Variants in USP30 observed in about 807,000 individuals in gnomAD.
USP30 encodes the protein ubiquitin carboxyl-terminal hydrolase 30.
In USP30, 41 loss-of-function variants were observed where a neutral mutation model predicts 68.2. The ratio of observed to expected loss-of-function variants is 0.60; its 90% CI spans 0.47 to 0.78. The LOEUF (loss-of-function observed/expected upper bound fraction) is 0.78, where lower values mean the gene tolerates loss of function less well. Among genes scored for constraint, USP30 ranks in the 30% least tolerant of loss-of-function variants. USP30 has a pLI of 0.00. For synonymous variants in USP30, 229 were observed against 253.7 expected, an observed-to-expected ratio of 0.90 and a Z score of 0.93; for missense variants, 522 against 649.4, an observed-to-expected ratio of 0.80 and a Z score of 2.13.
chr12:109,048,234 T>C (rs2135681926), upstream of USP30, among the ~76,000 whole-genome samples: 1 of 151,946 alleles, frequency 6.6e-6, no homozygotes, highest in South Asian at 2.1e-4. Context: ...TAGAGGTGTG[T>C]GCCACCAAAC....
chr12:109,037,843 T>G (rs2040532429), intron 3 of USP30, among the ~76,000 whole-genome samples: 1 of 152,166 alleles, frequency 6.6e-6, no homozygotes, highest in African/African-American at 2.4e-5. Context: ...CACTTCCTGC[T>G]TGTGTCAAAC....
chr12:109,045,823 A>G (rs140114893), intron 3 of USP30, among the ~76,000 whole-genome samples: 1 of 152,160 alleles, frequency 6.6e-6, no homozygotes, highest in East Asian at 1.9e-4. Context: ...ACGCGTGTGT[A>G]TGTGTGTGTA....
chr12:109,053,476 T>C (rs891262761), intron 1 of USP30, among the ~76,000 whole-genome samples: 1 of 152,024 alleles, frequency 6.6e-6, no homozygotes, highest in Non-Finnish European at 1.5e-5. Flanking sequence ...ATTTCCCTCT[T>C]ATTCACCCTC....
chr12:109,076,188 T>TA (rs1166626866), intron 7 of USP30, among the ~76,000 whole-genome samples: 2 of 152,188 alleles, frequency 1.3e-5, no homozygotes, highest in Admixed American at 6.5e-5. Context: ...AAGTGGAATT[T>TA]AAAAAAATTT....
intron 4 of USP30, among the ~76,000 whole-genome samples, chr12:109,071,280 G>A (rs1354480166): frequency 2.6e-5 from 4 of 152,212 alleles, no homozygotes; most frequent in Non-Finnish European, 4.4e-5. Context: ...TATGATATGT[G>A]TATTTTACCA....
At chr12:109,037,230 T>G (rs961587045) in intron 3 of USP30, among the ~76,000 whole-genome samples, 2 of 152,208 alleles carry the variant, frequency 1.3e-5, no homozygotes, top group Non-Finnish European at 2.9e-5. Context: ...TCATTTCAGT[T>G]ATTCTACTTT....
rs146012366 is a variant in USP30 at position 109,061,309 on chromosome 12, G to T, written c.376+3201G>T. Among the ~76,000 whole-genome samples the T allele has an allele frequency of 2.1e-3, 325 of 151,922 alleles. 3 individuals are homozygous for T. Among genetic ancestry groups the T allele is most frequent in the African/African-American group, 6.9e-3 (285 of 41,418 alleles). Reference sequence around the variant, plus strand: ...ATCCTTCACATGGGACCCAGTGCTGGGAGCCAGAGCCATCCTTGGGCTGCT... The same window carrying T: ...ATCCTTCACATGGGACCCAGTGCTGTGAGCCAGAGCCATCCTTGGGCTGCT... On this transcript the variant is annotated intron_variant, in intron 3 of 12. Coordinates refer to ENST00000257548, the MANE Select transcript of USP30 (RefSeq NM_032663.5).
rs1024155999 is a variant in USP30, at chr12:109,070,516, G to A, written c.481-1096G>A. On this transcript the variant is annotated intron_variant, in intron 4 of 12. Transcript: ENST00000257548. This position sits in a 1 kb window ranked among gnomAD's most constrained non-coding sequence, Gnocchi z 4.0. ...GGGCCGGGACATTGTGAATGTTGGGGGCTTTGTAGGCCAGATAAGAATGGT... is the reference window on the plus strand; with the variant it reads ...GGGCCGGGACATTGTGAATGTTGGGAGCTTTGTAGGCCAGATAAGAATGGT... Among the ~76,000 whole-genome samples, 1 of 152,186 alleles carries A rather than the reference G, an allele frequency of 6.6e-6. No individual in the cohort carries two copies. Among genetic ancestry groups the A allele is most frequent in the Non-Finnish European group, 1.5e-5 (1 of 68,034 alleles).
At chr12:109,044,004 G>C (rs949793336) in intron 3 of USP30, among the ~76,000 whole-genome samples, 1 of 152,174 alleles carries the variant, frequency 6.6e-6, no homozygotes, top group Non-Finnish European at 1.5e-5. Context: ...GCAGAATGTG[G>C]TATACAATGA....
intron 2 of USP30, among the ~76,000 whole-genome samples, chr12:109,057,383 G>GT (rs2040910481): frequency 6.6e-6 from 1 of 151,966 alleles, no homozygotes; most frequent in African/African-American, 2.4e-5. Flanking sequence ...ATAATAAAAA[G>GT]TTTTTTTAAA....
chr12:109,034,716 A>T (rs1313299516), intron 3 of USP30, among the ~76,000 whole-genome samples: 1 of 152,108 alleles, frequency 6.6e-6, no homozygotes, highest in African/African-American at 2.4e-5. Flanking sequence ...TGAAAGTAGG[A>T]TATAGAAGTC....
Position 109,079,339 on chromosome 12 carries a change from C to CTTTTTTTTTTCTTTTTTTTTTTT in USP30, c.721-1985_721-1984insCTTTTTTTTTTTTTTTTTTTTTT, listed in dbSNP as rs2041713719. On this transcript the variant is annotated intron_variant, in intron 7 of 12. Transcript: ENST00000257548. ...TTTTCTCTTTTTTTCTTTTCTTTTTCTTTTTTTTTTTCTTTTTTTTTTTTT... is the reference window on the plus strand; with the variant it reads ...TTTTCTCTTTTTTTCTTTTCTTTTTCTTTTTTTTTTCTTTTTTTTTTTTTTTTTTTTTTTCTTTTTTTTTTTTT... Among the ~76,000 whole-genome samples, 24 of 62,244 alleles carry CTTTTTTTTTTCTTTTTTTTTTTT rather than the reference C, an allele frequency of 3.9e-4. 1 individual carries two copies. Among genetic ancestry groups the CTTTTTTTTTTCTTTTTTTTTTTT allele is most frequent in the East Asian group, 9.6e-4 (2 of 2,094 alleles). 40.8% of individuals were successfully genotyped at this position (62,244 alleles called of 152,430 possible). A position where few individuals can be genotyped will look rare whatever the true frequency, so the allele number is the denominator to read the frequency against.
chr12:109,035,623 A>G (rs2040513124), intron 3 of USP30, among the ~76,000 whole-genome samples: 1 of 152,144 alleles, frequency 6.6e-6, no homozygotes, highest in African/African-American at 2.4e-5. Flanking sequence ...CGGCCTCCCA[A>G]AGTGCTGGGA....
chr12:109,035,331 C>A (rs2040510831), intron 3 of USP30, among the ~76,000 whole-genome samples: 1 of 151,416 alleles, frequency 6.6e-6, no homozygotes, highest in Non-Finnish European at 1.5e-5. Flanking sequence ...TTACCATTAC[C>A]ATTTCAATTT....
rs565440888 is a variant in USP30, at chr12:109,085,704, G to A, written c.1327G>A (p.Val443Ile). 3.7e-6 allele frequency: 6 copies of A among 1,614,080 alleles called. No individual in the cohort carries two copies. Among genetic ancestry groups the A allele is most frequent in the East Asian group, 4.5e-5 (2 of 44,884 alleles). ...CCTCTTCCGGCTGATGGCAGTTGTC[G>A]TCCACCATGGAGACATGCACTCTGG... The part of the protein sequence containing the change: ...TYLFRLMAVV[V>I]HHGDMHSGHF... Residue 443 changes from valine to isoleucine, a missense_variant, in exon 13 of 13, where the codon GTC (valine) becomes ATC (isoleucine). By Grantham distance (29) the Val-to-Ile change is conservative. Coordinates refer to ENST00000257548, the MANE Select transcript of USP30 (RefSeq NM_032663.5).
intron 5 of USP30, 112 bp downstream of exon 5, chr12:109,071,822 CAGT>C (rs1406576768): frequency 2.8e-6 from 3 of 1,054,932 alleles, no homozygotes; most frequent in Non-Finnish European, 2.7e-6. Context: ...CAGTAAAAAT[CAGT>C]GGTGGGAATG....
In USP30 at chr12:109,070,353, TA is replaced by T. The variant is rs2041399079; in HGVS notation, c.481-1257del. 1.3e-5 allele frequency among the ~76,000 whole-genome samples: 2 copies of T among 152,102 alleles called. No homozygotes were observed. The highest frequency in any genetic ancestry group is 6.8e-3 in the Middle Eastern group (2 of 294). On this transcript the variant is annotated intron_variant, in intron 4 of 12. Transcript: ENST00000257548. The surrounding 1 kb of genome is among the most constrained non-coding windows in gnomAD (Gnocchi z 4.0). Reference sequence around the variant, plus strand: ...TCAGAGGGGTGGAGGCAGCTTTGGATAATTGGTTGGGGAGTATGCCCTGTGG... The same window carrying T: ...TCAGAGGGGTGGAGGCAGCTTTGGATATTGGTTGGGGAGTATGCCCTGTGG...
upstream of USP30, among the ~76,000 whole-genome samples, chr12:109,049,340 G>C (rs1214392853): frequency 2.0e-5 from 3 of 152,116 alleles, no homozygotes; most frequent in Non-Finnish European, 4.4e-5. Context: ...TACAGGCTAG[G>C]GAGACCTGAG....
chr12:109,029,292 C>G (rs899788935), intron 3 of USP30, among the ~76,000 whole-genome samples: 9 of 152,152 alleles, frequency 5.9e-5, no homozygotes, highest in Admixed American at 2.0e-4. Flanking sequence ...GGAGAATAAA[C>G]CTGAGAGGGG....
Sources: gnomAD v4.1 joint callset for allele counts (sites outside exome capture counted in the v4.1 genomes callset) on GRCh38, gnomAD v4.1.1 for gene constraint, Gnocchi (gnomAD v3.1) non-coding constraint, MANE v1.5 for transcripts, NCBI Gene and HGNC (gene_info 2026-07-23, HGNC 2026-07-21) for gene names.